Variants in LPP observed in about 807,000 individuals in gnomAD.
LPP encodes the protein lipoma-preferred partner.
In LPP, 38 loss-of-function variants were observed where a neutral mutation model predicts 60.4. The ratio of observed to expected loss-of-function variants is 0.63; its 90% CI spans 0.49 to 0.83. LPP has a LOEUF of 0.83. LPP is among the 40% of genes least tolerant of loss of function. The pLI, the probability that LPP is intolerant of heterozygous loss-of-function variation, is 0.00. For synonymous variants in LPP, 328 were observed against 290.8 expected, an observed-to-expected ratio of 1.13 and a Z score of -1.30; for missense variants, 902 against 783.6, an observed-to-expected ratio of 1.15 and a Z score of -1.80.
intron 6 of LPP, among the ~76,000 whole-genome samples, chr3:188,565,239 C>T (rs1201935681): frequency 6.6e-6 from 1 of 151,934 alleles, no homozygotes. Context: ...GAGGGTTTTG[C>T]TTAAACAGAG....
At chr3:188,371,552 T>C (rs934237230) in intron 3 of LPP, among the ~76,000 whole-genome samples, 2 of 142,350 alleles carry the variant, frequency 1.4e-5, no homozygotes, top group African/African-American at 5.2e-5. Context: ...ATTAATAATT[T>C]TACAAATAAT....
intron 2 of LPP, among the ~76,000 whole-genome samples, chr3:188,283,774 T>C (rs1211564580): frequency 6.6e-6 from 1 of 152,086 alleles, no homozygotes; most frequent in Non-Finnish European, 1.5e-5. Context: ...TGTCAGGAGT[T>C]CGAGACTAGC....
chr3:188,592,978 C>G (rs534260078), intron 6 of LPP, among the ~76,000 whole-genome samples: 1 of 152,242 alleles, frequency 6.6e-6, no homozygotes, highest in East Asian at 1.9e-4. Flanking sequence ...GTTGAACTCT[C>G]CTCTTACAAT....
intron 7 of LPP, among the ~76,000 whole-genome samples, chr3:188,632,231 G>A (rs1847962349): frequency 6.6e-6 from 1 of 152,022 alleles, no homozygotes; most frequent in Admixed American, 6.6e-5. Flanking sequence ...ATATGCTGAT[G>A]TCTACAGCAC....
At chr3:188,693,305 C>A (rs79499314) in intron 7 of LPP, among the ~76,000 whole-genome samples, 7,081 of 152,230 alleles carry the variant, frequency 0.047, 201 homozygotes, top group South Asian at 0.11. Flanking sequence ...CTAATCTGTA[C>A]AGTGGGGCAG....
intron 6 of LPP, among the ~76,000 whole-genome samples, chr3:188,586,130 G>A (rs748886301): frequency 2.8e-4 from 42 of 152,090 alleles, no homozygotes; most frequent in Non-Finnish European, 4.1e-4. Context: ...TTTTAAATCA[G>A]AGGAAAAAAA....
At chr3:188,795,457 A>T (rs1745050484) in intron 9 of LPP, among the ~76,000 whole-genome samples, 3 of 152,228 alleles carry the variant, frequency 2.0e-5, no homozygotes, top group Admixed American at 2.0e-4. Context: ...ATGCCAGATT[A>T]TGTGAATTAA....
At chr3:188,246,834 A>G (rs959341758) in intron 2 of LPP, among the ~76,000 whole-genome samples, 2 of 152,220 alleles carry the variant, frequency 1.3e-5, no homozygotes, top group East Asian at 1.9e-4. Context: ...GTTCGAAGTT[A>G]CTAATCAATT....
At chr3:188,647,523 C>G (rs953632935) in intron 7 of LPP, among the ~76,000 whole-genome samples, 11 of 152,266 alleles carry the variant, frequency 7.2e-5, no homozygotes, top group African/African-American at 1.9e-4. Flanking sequence ...TAATGCCTTT[C>G]CAAGGTTAAG....
chr3:188,866,452 A>G, intron 10 of LPP, 74 bp downstream of exon 10: 1 of 1,207,018 alleles, frequency 8.3e-7, no homozygotes, highest in Non-Finnish European at 1.1e-6. Flanking sequence ...GCATCTGGGC[A>G]TACATTCTTC....
intron 3 of LPP, among the ~76,000 whole-genome samples, chr3:188,373,922 A>G (rs1774098558): frequency 6.6e-6 from 1 of 152,278 alleles, no homozygotes; most frequent in African/African-American, 2.4e-5. Context: ...AGCTTTCTAT[A>G]TATGGCTGGC....
intron 2 of LPP, among the ~76,000 whole-genome samples, chr3:188,241,512 T>C (rs1724821676): frequency 6.6e-6 from 1 of 152,248 alleles, no homozygotes; most frequent in Admixed American, 6.5e-5. Flanking sequence ...TTTATGTTGA[T>C]TTGTTTTTAT....
At chr3:188,188,131 C>T (rs1325952356) in intron 1 of LPP, among the ~76,000 whole-genome samples, 1 of 152,070 alleles carries the variant, frequency 6.6e-6, no homozygotes, top group African/African-American at 2.4e-5. Context: ...TATATGAATT[C>T]TTCATAGGGG....
intron 7 of LPP, among the ~76,000 whole-genome samples, chr3:188,678,611 A>G (rs948375650): frequency 2.8e-4 from 43 of 152,334 alleles, no homozygotes; most frequent in African/African-American, 9.9e-4. Flanking sequence ...TTTTTCCATT[A>G]AATGAATACA....
At chr3:188,256,654 A>T (rs1489594137) in intron 2 of LPP, among the ~76,000 whole-genome samples, 1 of 152,184 alleles carries the variant, frequency 6.6e-6, no homozygotes, top group Non-Finnish European at 1.5e-5. Flanking sequence ...CAAATTACGT[A>T]TAGCAACATC....
intron 5 of LPP, among the ~76,000 whole-genome samples, chr3:188,517,423 G>A (rs1354146032): frequency 6.6e-6 from 1 of 152,208 alleles, no homozygotes; most frequent in East Asian, 1.9e-4. Flanking sequence ...GATAGAAATA[G>A]TTTGGATATC....
intron 3 of LPP, among the ~76,000 whole-genome samples, chr3:188,378,693 C>A (rs889694354): frequency 6.6e-6 from 1 of 152,176 alleles, no homozygotes; most frequent in Non-Finnish European, 1.5e-5. Context: ...TGCTTCGGCT[C>A]GTGCACGGTG....
chr3:188,882,761 C>T lies in LPP; in HGVS notation c.*8282C>T, dbSNP rs1294930187. ...CCAATTCTTTTTTTTTCTTTTGAGA[C>T]GGAGTCTTGCTCTGTCGCCCAGGCT... On this transcript the variant is annotated 3_prime_UTR_variant, in exon 12 of 12. Coordinates refer to ENST00000617246, the MANE Select transcript of LPP (RefSeq NM_001375462.1). 2 of 188,050 alleles carry T rather than the reference C, an allele frequency of 1.1e-5. No homozygotes were observed. Among genetic ancestry groups the T allele is most frequent in the Non-Finnish European group, 2.2e-5 (2 of 89,496 alleles). The allele number at this position is 188,050 out of a possible 1,614,324, so 11.6% of individuals were successfully genotyped here. A position where few individuals can be genotyped will look rare whatever the true frequency, so the allele number is the denominator to read the frequency against.
At chr3:188,238,480 T>G (rs994292705) in intron 2 of LPP, among the ~76,000 whole-genome samples, 1 of 152,174 alleles carries the variant, frequency 6.6e-6, no homozygotes, top group African/African-American at 2.4e-5. Context: ...TAACCATTTC[T>G]AGCTTTTGAT....
Sources: allele counts gnomAD v4.1 joint callset (sites outside exome capture counted in the v4.1 genomes callset), GRCh38; gene constraint gnomAD v4.1.1; transcripts MANE v1.5; gene names NCBI Gene and HGNC (gene_info 2026-07-23, HGNC 2026-07-21).